Variants in RB1 observed in about 807,000 individuals in gnomAD.
RB1 encodes the protein retinoblastoma-associated protein.
RB1 carries 18 observed loss-of-function variants against 135.4 expected under a neutral mutation model. That is an observed-to-expected ratio of 0.13 (90% CI 0.09 to 0.20). RB1 has a LOEUF of 0.20. RB1 is among the 10% of genes least tolerant of loss of function. RB1 has a pLI of 1.00. For missense variants in RB1, 868 were observed against 1,110.0 expected (o/e 0.78, Z 3.10); for synonymous variants, 365 against 373.2 (o/e 0.98, Z 0.25).
intron 9 of RB1, among the ~76,000 whole-genome samples, chr13:48,365,766 C>T (rs1021363244): frequency 9.2e-5 from 14 of 152,070 alleles, no homozygotes; most frequent in African/African-American, 2.9e-4. Context: ...ATGTCAGGCA[C>T]GTGCTAGATA....
intron 11 of RB1, among the ~76,000 whole-genome samples, chr13:48,371,135 A>G (rs1047543417): frequency 2.6e-5 from 4 of 152,224 alleles, no homozygotes; most frequent in African/African-American, 9.6e-5. Flanking sequence ...GAAGGGCCTT[A>G]TATGCCATAC....
intron 17 of RB1, among the ~76,000 whole-genome samples, chr13:48,422,123 C>T (rs548315622): frequency 2.6e-4 from 39 of 152,238 alleles, no homozygotes; most frequent in African/African-American, 7.0e-4. Flanking sequence ...CACCCAAATG[C>T]GCATCAATGA....
intron 11 of RB1, 36 bp from the exon 12 acceptor site, chr13:48,373,369 T>C (rs370458817): frequency 1.5e-6 from 2 of 1,300,892 alleles, no homozygotes; most frequent in East Asian, 2.3e-5. Context: ...TCTCCCTTCA[T>C]TGCTTAACAC....
At chr13:48,419,833 A>G (rs1948977478) in intron 17 of RB1, among the ~76,000 whole-genome samples, 1 of 152,228 alleles carries the variant, frequency 6.6e-6, no homozygotes, top group African/African-American at 2.4e-5. Flanking sequence ...CCAAGAGTAA[A>G]CCAGGAAGAA....
intron 17 of RB1, among the ~76,000 whole-genome samples, chr13:48,402,815 A>G (rs1314257281): frequency 6.6e-6 from 1 of 152,196 alleles, no homozygotes; most frequent in Non-Finnish European, 1.5e-5. Flanking sequence ...TTATGAGACC[A>G]CAACATAAAG....
chr13:48,332,440 G>A (rs931023828), intron 2 of RB1, among the ~76,000 whole-genome samples: 7 of 152,142 alleles, frequency 4.6e-5, no homozygotes, highest in African/African-American at 1.7e-4. Flanking sequence ...GCGGTGACAT[G>A]TACTTGTAGT....
At chr13:48,422,914 G>C (rs1593501619) in intron 17 of RB1, 1 of 152,236 alleles carries the variant, frequency 6.6e-6, no homozygotes, top group Admixed American at 6.5e-5. Flanking sequence ...GCTGAGATGA[G>C]AGGATCACTT....
At chr13:48,465,542 C>A (rs894752815) in intron 23 of RB1, among the ~76,000 whole-genome samples, 174 bp downstream of exon 23, 2 of 152,124 alleles carry the variant, frequency 1.3e-5, no homozygotes, top group Admixed American at 6.5e-5. Flanking sequence ...AATCTATTTA[C>A]GACTTAAGCA....
At position 48,459,776 on chromosome 13, in the gene RB1, T is replaced by C. The variant is rs1048847950; in HGVS notation, c.2049T>C (p.Leu683=). Residue 683 remains leucine, a synonymous_variant, in exon 20 of 27, where the codon CTT becomes CTC. Transcript: ENST00000267163. ...AATTAGAACATATCATCTGGACCCT[T>C]TTCCAGCACACCCTGCAGAATGAGT... is the stretch of plus-strand genomic sequence containing the variant. The part of the protein sequence containing the change: ...HPELEHIIWT[L]FQHTLQNEYE... 6 of 1,613,858 alleles carry C rather than the reference T, an allele frequency of 3.7e-6. No individual in the cohort carries two copies. Among genetic ancestry groups the C allele is most frequent in the African/African-American group, 2.7e-5 (2 of 74,844 alleles).
chr13:48,367,431 T>C, intron 9 of RB1, 63 bp from the exon 10 acceptor site: 1 of 1,556,678 alleles, frequency 6.4e-7, no homozygotes, highest in Non-Finnish European at 8.7e-7. Flanking sequence ...AATCTGTGCC[T>C]CTGTGTGCTG....
intron 17 of RB1, among the ~76,000 whole-genome samples, chr13:48,437,455 C>T (rs1040877477): frequency 1.3e-5 from 2 of 152,144 alleles, no homozygotes; most frequent in Non-Finnish European, 1.5e-5. Context: ...TTCTGAAAGT[C>T]GGGAAACTGG....
At chr13:48,316,946 C>A in intron 2 of RB1, 1 of 367,030 alleles carries the variant, frequency 2.7e-6, no homozygotes, top group South Asian at 3.6e-5. Context: ...CGTGCCCGCC[C>A]AAGGTGCCCT....
intron 18 of RB1, among the ~76,000 whole-genome samples, chr13:48,454,529 T>C (rs867025797): frequency 2.0e-5 from 3 of 152,194 alleles, no homozygotes; most frequent in African/African-American, 7.2e-5. Flanking sequence ...AGAAGTAAGA[T>C]GGCCTGGGTC....
chr13:48,319,689 TG>T lies in RB1; in HGVS notation c.264+12286del. 1 of 254,428 alleles carries T rather than the reference TG, an allele frequency of 3.9e-6. No homozygotes were observed. 15.8% of individuals were successfully genotyped at this position (254,428 alleles called of 1,614,324 possible). ...CGCCACCTTTGCGGCTAGCTCTTCG[TG>T]GGATTTCAAGAGTGACTTGGTCGAA... On this transcript the variant is annotated intron_variant, in intron 2 of 26. Coordinates refer to ENST00000267163, the MANE Select transcript of RB1 (RefSeq NM_000321.3). This position sits in a 1 kb window ranked among gnomAD's most constrained non-coding sequence, Gnocchi z 5.0.
chr13:48,316,693 T>G (rs1406392293), intron 2 of RB1, among the ~76,000 whole-genome samples: 1 of 148,270 alleles, frequency 6.7e-6, no homozygotes, highest in Non-Finnish European at 1.5e-5. Context: ...CGACTCCTGT[T>G]TCTCCTCCCT....
intron 17 of RB1, chr13:48,412,544 G>A: frequency 1.4e-6 from 1 of 735,560 alleles, no homozygotes; most frequent in Admixed American, 2.1e-5. Context: ...ATCTTTGGAT[G>A]GTTTTATAAA....
chr13:48,443,966 A>G (rs577930961), intron 17 of RB1, among the ~76,000 whole-genome samples: 1 of 152,336 alleles, frequency 6.6e-6, no homozygotes, highest in Non-Finnish European at 1.5e-5. Flanking sequence ...TTGTCAACAC[A>G]AAAGACTTCT....
At chr13:48,411,969 AC>A in intron 17 of RB1, 1 of 1,595,814 alleles carries the variant, frequency 6.3e-7, no homozygotes, top group Non-Finnish European at 8.5e-7. Flanking sequence ...CTGAACAAAA[AC>A]GGCGGGTGCA....
At chr13:48,398,858 A>G (rs1948667996) in intron 17 of RB1, among the ~76,000 whole-genome samples, 1 of 152,148 alleles carries the variant, frequency 6.6e-6, no homozygotes, top group African/African-American at 2.4e-5. Context: ...TATCCTGAGT[A>G]ACAAGGGAAG....
Sources: gnomAD v4.1 joint callset for allele counts (sites outside exome capture counted in the v4.1 genomes callset) on GRCh38, gnomAD v4.1.1 for gene constraint, Gnocchi (gnomAD v3.1) non-coding constraint, MANE v1.5 for transcripts, NCBI Gene and HGNC (gene_info 2026-07-23, HGNC 2026-07-21) for gene names.